The following FBN3 variants were observed in gnomAD, a reference collection of about 807,000 sequenced individuals.
FBN3 encodes fibrillin 3, also known as fibrillin-3.
In FBN3, 234 loss-of-function variants were observed where a neutral mutation model predicts 330.1. The ratio of observed to expected loss-of-function variants is 0.71; its 90% CI spans 0.64 to 0.79. FBN3 has a LOEUF of 0.79. FBN3 is among the 30% of genes least tolerant of loss of function. The pLI is 0.00. For synonymous variants in FBN3, 1,458 were observed against 1,517.3 expected (o/e 0.96, Z 0.91); for missense variants, 3,606 against 3,886.9 (o/e 0.93, Z 1.92).
chr19:8,087,013 C>G, intron 54 of FBN3, 64 bp downstream of exon 54: 1 of 1,560,814 alleles, frequency 6.4e-7, no homozygotes, highest in Non-Finnish European at 8.6e-7. Context: ...GTCCAACCCT[C>G]TTGCTTTGAC....
At chr19:8,140,338 C>A (rs1400655530) in intron 8 of FBN3, among the ~76,000 whole-genome samples, 2 of 152,170 alleles carry the variant, frequency 1.3e-5, no homozygotes, top group Non-Finnish European at 2.9e-5. Context: ...GTGGTGGGTG[C>A]CTGTAATCCC....
intron 18 of FBN3, among the ~76,000 whole-genome samples, chr19:8,127,927 G>C (rs1261264441): frequency 6.6e-6 from 1 of 152,236 alleles, no homozygotes; most frequent in Non-Finnish European, 1.5e-5. Context: ...CTTGAACCCA[G>C]GAGGTGGAGG....
chr19:8,144,541 C>G (rs955300156), intron 6 of FBN3, among the ~76,000 whole-genome samples: 2 of 151,918 alleles, frequency 1.3e-5, no homozygotes, highest in Non-Finnish European at 2.9e-5. Flanking sequence ...TTTCTCTGTC[C>G]TTCACATGCT....
At position 8,108,206 on chromosome 19, in the gene FBN3, C is replaced by T. The variant is rs764201490; in HGVS notation, c.4651G>A (p.Gly1551Ser). ...EYRTLCPGGE[G>S]FQPNRITVIL... ...ACAGTGATGCGGTTAGGCTGGAAGC[C>T]CTCACCACCCGGGCACAGGGTTCTG... The change falls in exon 37 of 64, where the codon GGC (glycine) becomes AGC (serine). Residue 1551 changes from glycine (G) to serine (S), a missense_variant. By Grantham distance (56) the Gly-to-Ser change is moderately conservative. Coordinates refer to ENST00000600128, the MANE Select transcript of FBN3 (RefSeq NM_032447.5). The T allele has an allele frequency of 2.9e-5, 46 of 1,612,868 alleles. 1 individual carries two copies. The South Asian group carries it at 4.7e-4, about 17-fold the overall frequency.
At chr19:8,105,256 T>C (rs988665535) in intron 38 of FBN3, among the ~76,000 whole-genome samples, 1 of 151,196 alleles carries the variant, frequency 6.6e-6, no homozygotes, top group Admixed American at 6.6e-5. Flanking sequence ...CCCAGTCTTT[T>C]TTTTCTTTTT....
intron 13 of FBN3, among the ~76,000 whole-genome samples, chr19:8,135,016 T>C (rs974859317): frequency 6.6e-6 from 1 of 151,148 alleles, no homozygotes; most frequent in African/African-American, 2.4e-5. Context: ...TCTAGGTCTG[T>C]CACCTAGGCT....
intron 59 of FBN3, among the ~76,000 whole-genome samples, chr19:8,075,782 G>A (rs773739672): frequency 1.2e-4 from 18 of 152,142 alleles, no homozygotes; most frequent in Non-Finnish European, 2.5e-4. Flanking sequence ...GGCAGTGCCC[G>A]GTAAAAGAGT....
rs535154261 is a variant in FBN3, at chr19:8,072,674, ATG to A, written c.7937+387_7937+388del. The stretch of plus-strand genomic sequence containing the variant: ...TAGCAATGGCACTGTGCCCCCAGGG[ATG>A]TGGGCATGCATGAGCCTGAGTGCAC... On this transcript the variant is annotated intron_variant, in intron 62 of 63. Coordinates refer to ENST00000600128, the MANE Select transcript of FBN3 (RefSeq NM_032447.5). Among the ~76,000 whole-genome samples the A allele has an allele frequency of 2.0e-5, 3 of 151,770 alleles. No individual in the cohort carries two copies. In the South Asian group the frequency reaches 6.2e-4, roughly 32 times the overall value.
At position 8,116,634 on chromosome 19, in the gene FBN3, C is replaced by G; in HGVS notation, c.3712+40G>C. On this transcript the variant is annotated intron_variant, in intron 29 of 63. Transcript: ENST00000600128. ...ACCTGGTGTGTGAATTCTGACACTG[C>G]CTCCTCCACCCGCCCCGCCCCACCG... The G allele has an allele frequency of 1.9e-6, 3 of 1,582,438 alleles. No individual in the cohort carries two copies. In the Middle Eastern group the frequency reaches 5.0e-4, roughly 266 times the overall value.
chr19:8,099,275 GA>G (rs1314752388), intron 41 of FBN3, among the ~76,000 whole-genome samples: 2 of 96,390 alleles, frequency 2.1e-5, no homozygotes, highest in African/African-American at 7.1e-5. Flanking sequence ...GTCATGGTTT[GA>G]TTTTTTTTTT....
Position 8,123,576 on chromosome 19 carries a change from G to A in FBN3, c.2970C>T (p.Cys990=), listed in dbSNP as rs1359093155. The change falls in exon 24 of 64, where the codon TGC becomes TGT. Residue 990 remains cysteine, a synonymous_variant. Coordinates refer to ENST00000600128, the MANE Select transcript of FBN3 (RefSeq NM_032447.5). ...GCGTGCAGAGGCCAGGGAACACCTTGCATTCATTCACATCTGAAGTACAGG... is the reference window on the plus strand; with the variant it reads ...GCGTGCAGAGGCCAGGGAACACCTTACATTCATTCACATCTGAAGTACAGG... ...GRPFYKDVNE[C]KVFPGLCTHG... 2 of 1,614,190 alleles carry A rather than the reference G, an allele frequency of 1.2e-6. No individual in the cohort carries two copies. Among genetic ancestry groups the A allele is most frequent in the Admixed American group, 3.3e-5 (2 of 60,026 alleles).
In FBN3 at chr19:8,138,498, TG is replaced by T; in HGVS notation, c.931del (p.His311ThrfsTer95). ...ACAGCAGCACTGCCTGCGAGTGTAG[TG>T]GCCGGCGAGGTCTCCAGCACAGCGG... The part of the protein sequence containing the change: ...GGRCAGDLAG[H>X]YTRRQCCCDR... On this transcript the variant is annotated frameshift_variant, in exon 9 of 64. Transcript: ENST00000600128. LOFTEE classifies it high-confidence loss of function. The T allele has an allele frequency of 6.2e-7, 1 of 1,613,022 alleles. No individual in the cohort carries two copies. Among genetic ancestry groups the T allele is most frequent in the Non-Finnish European group, 8.5e-7 (1 of 1,179,990 alleles).
chr19:8,074,189 G>A lies in FBN3; in HGVS notation c.7702+882C>T, dbSNP rs150523803. On this transcript the variant is annotated intron_variant, in intron 61 of 63. Transcript: ENST00000600128. ...GCAAACAGTTGGGGAAAGAATGAAT[G>A]AGTCAGTACGGGGGGAGGAAACAAG... Among the ~76,000 whole-genome samples, 495 of 152,230 alleles carry A rather than the reference G, an allele frequency of 3.3e-3. 1 individual carries two copies. The highest frequency in any genetic ancestry group is 0.011 in the African/African-American group (468 of 41,540).
In FBN3 at chr19:8,126,367, A is replaced by C. The variant is rs2082983541; in HGVS notation, c.2555-20T>G. 23 of 1,585,176 alleles carry C rather than the reference A, an allele frequency of 1.5e-5. No individual in the cohort carries two copies. The highest frequency in any genetic ancestry group is 1.7e-5 in the Non-Finnish European group (20 of 1,166,560). ...CAGGGTCTGCAACTGGGAGAACAAGAGTGAAGAGAGGAGTCATTTTCTCAT... is the reference window on the plus strand; with the variant it reads ...CAGGGTCTGCAACTGGGAGAACAAGCGTGAAGAGAGGAGTCATTTTCTCAT... On this transcript the variant is annotated intron_variant, in intron 20 of 63. Transcript: ENST00000600128.
rs368633114 is a variant in FBN3, at chr19:8,147,073, C to T, written c.250+31G>A. 7.4e-5 allele frequency: 113 copies of T among 1,535,512 alleles called. No homozygotes were observed. The African/African-American group carries it at 8.1e-4, about 11-fold the overall frequency. ...AGGTAAGAGTGTCCCCGGCCTGTGC[C>T]CCCCCACCTCCAGACGGCGGTAGCA... On this transcript the variant is annotated intron_variant, in intron 3 of 63. Transcript: ENST00000600128.
At chr19:8,066,670 G>A (rs1429174674) in intron 63 of FBN3, among the ~76,000 whole-genome samples, 3 of 151,844 alleles carry the variant, frequency 2.0e-5, no homozygotes, top group Admixed American at 6.6e-5. Context: ...CACAAGGTCA[G>A]GAGTTCGAGA....
At chr19:8,104,471 TAAAAAAA>T (rs5826993) in intron 38 of FBN3, among the ~76,000 whole-genome samples, 2 of 142,200 alleles carry the variant, frequency 1.4e-5, no homozygotes, top group Non-Finnish European at 3.0e-5. Flanking sequence ...ACACTGGCTC[TAAAAAAA>T]AAAAAAAAAA....
chr19:8,117,325 G>A (rs776286150), intron 27 of FBN3, 34 bp from the exon 28 acceptor site: 25 of 1,560,690 alleles, frequency 1.6e-5, no homozygotes, highest in Non-Finnish European at 2.2e-5. Flanking sequence ...GGCTGGGGCT[G>A]GGGGGAGGGG....
At chr19:8,130,112 G>A (rs1362518136) in intron 16 of FBN3, among the ~76,000 whole-genome samples, 1 of 151,934 alleles carries the variant, frequency 6.6e-6, no homozygotes, top group Non-Finnish European at 1.5e-5. Context: ...TGGCCAGGCT[G>A]GTGTGGAACT....
Sources: allele counts gnomAD v4.1 joint callset (sites outside exome capture counted in the v4.1 genomes callset), GRCh38; gene constraint gnomAD v4.1.1; transcripts MANE v1.5; gene names NCBI Gene and HGNC (gene_info 2026-07-23, HGNC 2026-07-21).